Variants in CAMSAP3 observed in about 807,000 individuals in gnomAD.
CAMSAP3 encodes the protein calmodulin regulated spectrin associated protein family member 3.
Under a neutral mutation model 112.5 loss-of-function variants are expected in CAMSAP3, and 34 were observed. The observed-to-expected ratio is 0.30, with a 90% CI of 0.23 to 0.40. The LOEUF is 0.40. Ranked by LOEUF, CAMSAP3 falls within the 10% of genes least tolerant of loss-of-function variation. The pLI is 1.00. For synonymous variants in CAMSAP3, 868 were observed against 799.8 expected (o/e 1.09, Z -1.44); for missense variants, 1,602 against 1,770.3 (o/e 0.90, Z 1.71).
In CAMSAP3 at chr19:7,608,115, C is replaced by G. The variant is rs1436462584; in HGVS notation, c.622-11C>G. ...GCCTGGCCACTCACCTGACCTGGCT[C>G]CCATCTGCAGATCCGATACCGCAAG... On this transcript the variant is annotated splice_polypyrimidine_tract_variant and intron_variant, in intron 4 of 16. Coordinates refer to ENST00000160298, the MANE Select transcript of CAMSAP3 (RefSeq NM_020902.2). The G allele has an allele frequency of 1.2e-6, 2 of 1,608,792 alleles. No homozygotes were observed. Among genetic ancestry groups the G allele is most frequent in the Non-Finnish European group, 1.7e-6 (2 of 1,178,182 alleles).
intron 2 of CAMSAP3, among the ~76,000 whole-genome samples, chr19:7,605,943 C>G (rs1384009558): frequency 6.6e-6 from 1 of 152,104 alleles, no homozygotes; most frequent in Non-Finnish European, 1.5e-5. Flanking sequence ...TCAAGCTCTT[C>G]CCATCAAGCC....
intron 14 of CAMSAP3, among the ~76,000 whole-genome samples, chr19:7,616,953 T>TG (rs1555763716): frequency 6.4e-4 from 85 of 131,990 alleles, no homozygotes; most frequent in Middle Eastern, 3.8e-3. Context: ...TTTTTTTTTT[T>TG]TTTTTGTTTT....
Position 7,610,058 on chromosome 19 carries a change from C to T in CAMSAP3, c.761-418C>T, listed in dbSNP as rs930367279. On this transcript the variant is annotated intron_variant, in intron 5 of 16. Coordinates refer to ENST00000160298, the MANE Select transcript of CAMSAP3 (RefSeq NM_020902.2). This position sits in a 1 kb window ranked among gnomAD's most constrained non-coding sequence, Gnocchi z 4.9. ...CCTCGGCCGGGTACAGTGGCTCACG[C>T]CTGTAATCCCAGCACTTTGGGTGGC... 6.6e-6 allele frequency among the ~76,000 whole-genome samples: 1 copy of T among 152,152 alleles called. No individual in the cohort carries two copies. Among genetic ancestry groups the T allele is most frequent in the African/African-American group, 2.4e-5 (1 of 41,430 alleles).
At position 7,602,359 on chromosome 19, in the gene CAMSAP3, G is replaced by T. The variant is rs183879144; in HGVS notation, c.149-2867G>T. ...TATAATAAGTGTCTGATAAATGTCA[G>T]TGTAGCCCTAGCTTAAGGTTTTGGT... On this transcript the variant is annotated intron_variant, in intron 1 of 16. Transcript: ENST00000160298. 9.1e-4 allele frequency among the ~76,000 whole-genome samples: 138 copies of T among 152,306 alleles called. 1 individual carries two copies. Among genetic ancestry groups the T allele is most frequent in the African/African-American group, 3.3e-3 (137 of 41,564 alleles).
In CAMSAP3 at chr19:7,611,726, T is replaced by C. The variant is rs200997585; in HGVS notation, c.1233T>C (p.Phe411=). ...LSQAVSFSTP[F]GLDSDVDVVM... ...AGGCTGTGTCATTCAGCACCCCCTTTGGCCTGGACAGCGACGTGGATGTCG... is the reference window on the plus strand; with the variant it reads ...AGGCTGTGTCATTCAGCACCCCCTTCGGCCTGGACAGCGACGTGGATGTCG... The change falls in exon 11 of 17, where the codon TTT becomes TTC. Residue 411 remains phenylalanine, a synonymous_variant. Coordinates refer to ENST00000160298, the MANE Select transcript of CAMSAP3 (RefSeq NM_020902.2). This position sits in a 1 kb window ranked among gnomAD's most constrained non-coding sequence, Gnocchi z 6.9. 3.8e-5 allele frequency: 60 copies of C among 1,561,500 alleles called. No homozygotes were observed. Among genetic ancestry groups the C allele is most frequent in the Non-Finnish European group, 5.1e-5 (59 of 1,151,722 alleles).
In CAMSAP3 at chr19:7,608,185, C is replaced by G. The variant is rs1045420276; in HGVS notation, c.681C>G (p.Thr227=). Residue 227 remains threonine (T), a synonymous_variant, in exon 5 of 17, where the codon ACC becomes ACG. Transcript: ENST00000160298. ...ARRAPCFPTV[T]SLQDLASGAA... ...GTGCCCCCTGCTTCCCGACGGTGAC[C>G]AGCCTCCAGGACCTGGCCAGTGGGG... 1 of 1,612,622 alleles carries G rather than the reference C, an allele frequency of 6.2e-7. No homozygotes were observed. The highest frequency in any genetic ancestry group is 1.1e-5 in the South Asian group (1 of 91,090).
At position 7,610,351 on chromosome 19, in the gene CAMSAP3, G is replaced by A; in HGVS notation, c.761-125G>A. On this transcript the variant is annotated intron_variant, in intron 5 of 16. Transcript: ENST00000160298. The surrounding 1 kb of genome is among the most constrained non-coding windows in gnomAD (Gnocchi z 4.9). ...AAAAAAAAGAATTCACCTCTCGAAG[G>A]GCACCTGGCAGAAGCTGGGCTCATA... 2.5e-6 allele frequency: 2 copies of A among 808,150 alleles called. No individual in the cohort carries two copies. The highest frequency in any genetic ancestry group is 1.7e-5 in the South Asian group (1 of 57,524). The allele number at this position is 808,150 out of a possible 1,614,324, so 50.1% of individuals were successfully genotyped here.
chr19:7,604,712 GT>G (rs1019342452), intron 1 of CAMSAP3, among the ~76,000 whole-genome samples: 3 of 151,996 alleles, frequency 2.0e-5, no homozygotes, highest in African/African-American at 7.3e-5. Context: ...GTGTTGAAGA[GT>G]TATTTGGCCT....
At chr19:7,614,369 C>G (rs1203228617) in intron 11 of CAMSAP3, among the ~76,000 whole-genome samples, 1 of 136,466 alleles carries the variant, frequency 7.3e-6, no homozygotes, top group Non-Finnish European at 1.5e-5. Flanking sequence ...TTTTTTGAGA[C>G]AGAGTCTCGC....
At chr19:7,603,872 C>T (rs75583634) in intron 1 of CAMSAP3, among the ~76,000 whole-genome samples, 2 of 152,052 alleles carry the variant, frequency 1.3e-5, no homozygotes, top group Non-Finnish European at 2.9e-5. Context: ...TGGTGGCTCA[C>T]GCCTGTAATC....
chr19:7,599,445 T>C (rs1481671093), intron 1 of CAMSAP3, among the ~76,000 whole-genome samples: 3 of 49,122 alleles, frequency 6.1e-5, no homozygotes, highest in Non-Finnish European at 3.9e-5. Flanking sequence ...CCCACTGCAC[T>C]CATCCATCCA....
At position 7,611,698 on chromosome 19, in the gene CAMSAP3, C is replaced by G. The variant is rs1197394519; in HGVS notation, c.1205C>G (p.Ser402Cys). Residue 402 changes from serine (S) to cysteine (C), a missense_variant, in exon 11 of 17, where the codon TCC becomes TGC. Coordinates refer to ENST00000160298, the MANE Select transcript of CAMSAP3 (RefSeq NM_020902.2). This position sits in a 1 kb window ranked among gnomAD's most constrained non-coding sequence, Gnocchi z 6.9. The stretch of plus-strand genomic sequence containing the variant: ...CTCCGGCCGCCCAGCCGTCCCCTCT[C>G]CCAGGCTGTGTCATTCAGCACCCCC... ...AWNRQLSRPL[S>C]QAVSFSTPFG... 4 of 1,562,188 alleles carry G rather than the reference C, an allele frequency of 2.6e-6. No homozygotes were observed. Among genetic ancestry groups the G allele is most frequent in the Non-Finnish European group, 3.5e-6 (4 of 1,151,244 alleles).
chr19:7,602,262 G>C lies in CAMSAP3; in HGVS notation c.149-2964G>C, dbSNP rs567976772. On this transcript the variant is annotated intron_variant, in intron 1 of 16. Coordinates refer to ENST00000160298, the MANE Select transcript of CAMSAP3 (RefSeq NM_020902.2). ...AAACATCTCACAGTGTACAGGACAG[G>C]ACAGCATCCCCTGAATACAAAGAAT... is the stretch of plus-strand genomic sequence containing the variant. Among the ~76,000 whole-genome samples the C allele has an allele frequency of 8.5e-5, 13 of 152,270 alleles. No homozygotes were observed. The South Asian group carries it at 2.7e-3, about 32-fold the overall frequency.
chr19:7,607,785 C>T lies in CAMSAP3; in HGVS notation c.622-341C>T. ...CTTGGGGGCCCAGCAGGTCAGCACC[C>T]CTCCCCCTTGCTGATGGCTGCTCCT... On this transcript the variant is annotated intron_variant, in intron 4 of 16. Transcript: ENST00000160298. The surrounding 1 kb of genome is among the most constrained non-coding windows in gnomAD (Gnocchi z 4.9). 1 of 854,298 alleles carries T rather than the reference C, an allele frequency of 1.2e-6. No homozygotes were observed. Among genetic ancestry groups the T allele is most frequent in the Non-Finnish European group, 1.8e-6 (1 of 550,786 alleles). The allele number at this position is 854,298 out of a possible 1,614,324, so 52.9% of individuals were successfully genotyped here.
chr19:7,616,266 C>T (rs1250423703), intron 13 of CAMSAP3: 9 of 418,378 alleles, frequency 2.2e-5, no homozygotes, highest in Middle Eastern at 7.0e-4. Context: ...TCTTCTGTGG[C>T]TTCATGGATA....
Position 7,597,680 on chromosome 19 carries a change from C to T in CAMSAP3, c.148+1530C>T, listed in dbSNP as rs373118990. Reference sequence around the variant, plus strand: ...AGAATTCTTCGCGTGGCACGGGGCGCGTGATACATGCGAAACGGTTGCTCG... The same window carrying T: ...AGAATTCTTCGCGTGGCACGGGGCGTGTGATACATGCGAAACGGTTGCTCG... On this transcript the variant is annotated intron_variant, in intron 1 of 16. Transcript: ENST00000160298. 9.8e-5 allele frequency among the ~76,000 whole-genome samples: 15 copies of T among 152,308 alleles called. No individual in the cohort carries two copies. In the South Asian group the frequency reaches 2.7e-3, roughly 27 times the overall value.
At chr19:7,616,952 T>G (rs866414215) in intron 14 of CAMSAP3, among the ~76,000 whole-genome samples, 2,119 of 133,328 alleles carry the variant, frequency 0.016, 23 homozygotes, top group South Asian at 0.045. Flanking sequence ...TTTTTTTTTT[T>G]TTTTTTGTTT....
intron 1 of CAMSAP3, among the ~76,000 whole-genome samples, chr19:7,604,648 CT>C (rs1458460543): frequency 1.3e-5 from 2 of 151,982 alleles, no homozygotes; most frequent in Non-Finnish European, 2.9e-5. Flanking sequence ...TCATCCCCCC[CT>C]GCCTGCAAGC....
Position 7,611,773 on chromosome 19 carries a change from T to C in CAMSAP3, c.1280T>C (p.Leu427Pro). The C allele has an allele frequency of 6.3e-7, 1 of 1,595,836 alleles. No homozygotes were observed. The highest frequency in any genetic ancestry group is 1.1e-5 in the South Asian group (1 of 88,520). Reference protein sequence around the residue: ...VDVVMGDPVLLRSVSSDSLGP... With the variant: ...VDVVMGDPVLPRSVSSDSLGP... ...GTCGTCATGGGAGACCCTGTGCTCC[T>C]CCGCTCTGTGAGCTCGGACAGCCTG... Residue 427 changes from leucine to proline, a missense_variant, in exon 11 of 17, where the codon CTC (leucine) becomes CCC (proline). Around this residue, in one of 6 missense-constraint regions of CAMSAP3, gnomAD observed 1,100 missense variants for 1,135.7 expected, o/e 0.97. Transcript: ENST00000160298. This position sits in a 1 kb window ranked among gnomAD's most constrained non-coding sequence, Gnocchi z 6.9.
Sources: allele counts gnomAD v4.1 joint callset (sites outside exome capture counted in the v4.1 genomes callset), GRCh38; gene constraint gnomAD v4.1.1; regional missense constraint gnomAD v4.1.1; non-coding constraint Gnocchi (gnomAD v3.1); transcripts MANE v1.5; gene names NCBI Gene and HGNC (gene_info 2026-07-23, HGNC 2026-07-21).